The following LSAMP variants were observed in gnomAD, a reference collection of about 807,000 sequenced individuals.
LSAMP encodes limbic system-associated membrane protein.
LSAMP carries 7 observed loss-of-function variants against 38.6 expected under a neutral mutation model. That is an observed-to-expected ratio of 0.18 (90% CI 0.10 to 0.34). The LOEUF is 0.34. LSAMP is among the 10% of genes least tolerant of loss of function. LSAMP has a pLI of 1.00. For synonymous variants in LSAMP, 154 were observed against 166.8 expected, an observed-to-expected ratio of 0.92 and a Z score of 0.59; for missense variants, 313 against 420.0, an observed-to-expected ratio of 0.75 and a Z score of 2.23.
chr3:116,409,464 T>C (rs1205417263), intron 1 of LSAMP, among the ~76,000 whole-genome samples: 2 of 152,102 alleles, frequency 1.3e-5, no homozygotes, highest in Non-Finnish European at 2.9e-5. Context: ...CTCCAATTTA[T>C]ACCTATAAGA....
intron 3 of LSAMP, among the ~76,000 whole-genome samples, chr3:115,864,315 C>T (rs1373199527): frequency 6.6e-6 from 1 of 152,158 alleles, no homozygotes; most frequent in Non-Finnish European, 1.5e-5. Context: ...CTCCAGTTCC[C>T]AGCTGGGACT....
chr3:116,393,997 A>T (rs1474252911), intron 1 of LSAMP, among the ~76,000 whole-genome samples: 1 of 152,204 alleles, frequency 6.6e-6, no homozygotes, highest in East Asian at 1.9e-4. Context: ...TGATTTTATT[A>T]TGGCTGGAAG....
chr3:116,441,525 G>A (rs2049434698), intron 1 of LSAMP, among the ~76,000 whole-genome samples: 1 of 152,134 alleles, frequency 6.6e-6, no homozygotes, highest in South Asian at 2.1e-4. Context: ...AATTTTAAAG[G>A]TTGGTTTGAA....
intron 2 of LSAMP, among the ~76,000 whole-genome samples, chr3:116,077,399 T>C (rs898447038): frequency 3.3e-5 from 5 of 152,106 alleles, no homozygotes; most frequent in Admixed American, 3.3e-4. Flanking sequence ...CTATATCCTA[T>C]GTATTTTGTT....
intron 3 of LSAMP, among the ~76,000 whole-genome samples, chr3:115,990,805 T>A (rs1939645414): frequency 6.6e-6 from 1 of 152,122 alleles, no homozygotes; most frequent in Admixed American, 6.6e-5. Context: ...TTAGTGAATG[T>A]TAAGATCACA....
At chr3:116,439,223 C>T (rs1468859695) in intron 1 of LSAMP, among the ~76,000 whole-genome samples, 1 of 152,026 alleles carries the variant, frequency 6.6e-6, no homozygotes, top group Non-Finnish European at 1.5e-5. Context: ...GAATGCAGTG[C>T]TTCTCCAACC....
At chr3:116,308,332 C>G (rs2047511781) in intron 1 of LSAMP, among the ~76,000 whole-genome samples, 1 of 152,044 alleles carries the variant, frequency 6.6e-6, no homozygotes, top group South Asian at 2.1e-4. Flanking sequence ...CAACATGTAT[C>G]TCTTTCCCCG....
intron 1 of LSAMP, among the ~76,000 whole-genome samples, chr3:116,387,216 G>A (rs1017078269): frequency 6.6e-6 from 1 of 152,032 alleles, no homozygotes; most frequent in Non-Finnish European, 1.5e-5. Flanking sequence ...TAAATGGAGA[G>A]GTAAAAATCT....
At chr3:116,304,253 C>A (rs991504815) in intron 1 of LSAMP, among the ~76,000 whole-genome samples, 29 of 151,886 alleles carry the variant, frequency 1.9e-4, no homozygotes, top group African/African-American at 6.5e-4. Context: ...TGCTTATAAT[C>A]ATAAAAAAAT....
intron 1 of LSAMP, among the ~76,000 whole-genome samples, chr3:116,110,674 A>G (rs13087835): frequency 2.0e-5 from 3 of 152,102 alleles, no homozygotes; most frequent in Admixed American, 6.5e-5. Flanking sequence ...TTGGTGAGAT[A>G]TTTCTTGGGC....
chr3:116,045,190 C>T (rs1453731273), intron 2 of LSAMP, among the ~76,000 whole-genome samples: 1 of 152,104 alleles, frequency 6.6e-6, no homozygotes, highest in East Asian at 1.9e-4. Flanking sequence ...GATGAAACTC[C>T]AAATATAGGC....
At chr3:115,885,508 A>C (rs937038354) in intron 3 of LSAMP, among the ~76,000 whole-genome samples, 2 of 151,890 alleles carry the variant, frequency 1.3e-5, no homozygotes, top group Non-Finnish European at 2.9e-5. Context: ...ACAAAATATG[A>C]GGACAGACTG....
intron 1 of LSAMP, among the ~76,000 whole-genome samples, chr3:116,220,207 C>CACACACACAT (rs1559787995): frequency 6.6e-6 from 1 of 151,800 alleles, no homozygotes; most frequent in East Asian, 1.9e-4. Flanking sequence ...CACACACACA[C>CACACACACAT]ACACACAATG....
At chr3:116,035,021 A>G (rs1391496099) in intron 2 of LSAMP, among the ~76,000 whole-genome samples, 1 of 152,234 alleles carries the variant, frequency 6.6e-6, no homozygotes, top group African/African-American at 2.4e-5. Context: ...GAGTCAGATC[A>G]GGTTTCAGCT....
chr3:116,288,943 A>C (rs1219093597), intron 1 of LSAMP, among the ~76,000 whole-genome samples: 3 of 152,242 alleles, frequency 2.0e-5, no homozygotes, highest in Non-Finnish European at 4.4e-5. Context: ...TTTCACACAT[A>C]GTAAAACCAG....
intron 1 of LSAMP, among the ~76,000 whole-genome samples, chr3:116,301,064 C>T (rs1291920149): frequency 6.6e-6 from 1 of 151,760 alleles, no homozygotes; most frequent in Non-Finnish European, 1.5e-5. Context: ...ATCTTTTTCA[C>T]ATACTTTGGG....
At chr3:116,257,298 G>A (rs960680872) in intron 1 of LSAMP, among the ~76,000 whole-genome samples, 1 of 152,186 alleles carries the variant, frequency 6.6e-6, no homozygotes, top group Non-Finnish European at 1.5e-5. Context: ...AGGCTGGGAG[G>A]TGAAGGCATG....
chr3:115,857,592 TG>T (rs1935548066), intron 3 of LSAMP, among the ~76,000 whole-genome samples: 1 of 152,188 alleles, frequency 6.6e-6, no homozygotes, highest in African/African-American at 2.4e-5. Context: ...TCCACAAGCC[TG>T]CTCACATCGC....
chr3:116,220,074 C>G (rs1250298454), intron 1 of LSAMP, among the ~76,000 whole-genome samples: 1 of 151,996 alleles, frequency 6.6e-6, no homozygotes, highest in African/African-American at 2.4e-5. Context: ...TTCGGAGCTA[C>G]TTGTGAGGCT....
Sources: allele counts gnomAD v4.1 joint callset (sites outside exome capture counted in the v4.1 genomes callset), GRCh38; gene constraint gnomAD v4.1.1; transcripts MANE v1.5; gene names NCBI Gene and HGNC (gene_info 2026-07-23, HGNC 2026-07-21).